Variants in MCUR1 observed in about 807,000 individuals in gnomAD.
MCUR1 encodes mitochondrial calcium uniporter regulator 1.
MCUR1 carries 37 observed loss-of-function variants against 42.0 expected under a neutral mutation model. That is an observed-to-expected ratio of 0.88 (90% CI 0.68 to 1.16). The LOEUF (loss-of-function observed/expected upper bound fraction) is 1.16, where lower values mean the gene tolerates loss of function less well. Among genes scored for constraint, MCUR1 ranks in the 50% most tolerant of loss-of-function variants. The pLI, the probability that MCUR1 is intolerant of heterozygous loss-of-function variation, is 0.00. For missense variants in MCUR1, 469 were observed against 468.4 expected, an observed-to-expected ratio of 1.00 and a Z score of -0.01; for synonymous variants, 229 against 196.2, an observed-to-expected ratio of 1.17 and a Z score of -1.40.
At chr6:13,806,504 A>G (rs1200600583) in intron 2 of MCUR1, among the ~76,000 whole-genome samples, 1 of 152,270 alleles carries the variant, frequency 6.6e-6, no homozygotes, top group Non-Finnish European at 1.5e-5. Flanking sequence ...CTTCACTTGG[A>G]CAAAGAGACA....
chr6:13,792,050 T>A, intron 7 of MCUR1, 58 bp from the exon 8 acceptor site: 1 of 1,273,112 alleles, frequency 7.9e-7, no homozygotes, highest in Non-Finnish European at 1.1e-6. Flanking sequence ...CTGCTCACCA[T>A]CCTATAGCTC....
chr6:13,807,650 T>A (rs1176453369), intron 1 of MCUR1, among the ~76,000 whole-genome samples: 2 of 152,104 alleles, frequency 1.3e-5, no homozygotes, highest in African/African-American at 2.4e-5. Flanking sequence ...TACTTAGGAG[T>A]AGAATTGCTG....
intron 6 of MCUR1, among the ~76,000 whole-genome samples, chr6:13,796,428 C>T (rs777898742): frequency 2.0e-5 from 3 of 151,792 alleles, no homozygotes; most frequent in Non-Finnish European, 4.4e-5. Context: ...GCTGAGACTA[C>T]AGGTGGGCCA....
At chr6:13,807,472 G>C (rs1760136112) in intron 1 of MCUR1, among the ~76,000 whole-genome samples, 1 of 152,184 alleles carries the variant, frequency 6.6e-6, no homozygotes, top group Non-Finnish European at 1.5e-5. Context: ...GGTCATCCGT[G>C]TTGTAGCACG....
Position 13,814,279 on chromosome 6 carries a change from C to T in MCUR1, c.151G>A (p.Ala51Thr). The T allele has an allele frequency of 3.4e-6, 5 of 1,491,660 alleles. No individual in the cohort carries two copies. The highest frequency in any genetic ancestry group is 2.5e-5 in the South Asian group (2 of 80,002). The allele number at this position is 1,491,660 out of a possible 1,614,324, so 92.4% of individuals were successfully genotyped here. A position where few individuals can be genotyped will look rare whatever the true frequency, so the allele number is the denominator to read the frequency against. The change falls in exon 1 of 9, where the codon GCG becomes ACG. Residue 51 changes from alanine (A) to threonine (T), a missense_variant. Physicochemically the swap from Ala to Thr is moderately conservative, Grantham distance 58. Transcript: ENST00000379170. ...CLSALSDGLG[A>T]LRPRAPAARG... is the part of the protein sequence containing the mutation. ...GCCGCCGGGGCGCGAGGGCGCAGCG[C>T]CCCCAGACCGTCGGAGAGCGCAGAG...
chr6:13,791,341 A>G (rs1235256836), intron 8 of MCUR1, among the ~76,000 whole-genome samples: 1 of 152,238 alleles, frequency 6.6e-6, no homozygotes, highest in African/African-American at 2.4e-5. Context: ...ACACAATTTA[A>G]TATAAAGAAC....
At chr6:13,801,677 C>T (rs896514273) in intron 3 of MCUR1, among the ~76,000 whole-genome samples, 2 of 152,068 alleles carry the variant, frequency 1.3e-5, no homozygotes, top group Non-Finnish European at 2.9e-5. Context: ...TGGTGAAACC[C>T]CATCTCTACC....
intron 6 of MCUR1, among the ~76,000 whole-genome samples, chr6:13,796,506 G>A (rs914300433): frequency 2.0e-5 from 3 of 151,920 alleles, no homozygotes; most frequent in African/African-American, 4.8e-5. Flanking sequence ...GGCTGGCCTC[G>A]AACTCCTGAC....
chr6:13,805,983 C>T (rs1337708739), intron 2 of MCUR1, among the ~76,000 whole-genome samples: 2 of 152,066 alleles, frequency 1.3e-5, no homozygotes, highest in Admixed American at 6.6e-5. Context: ...GGGCTGGGCG[C>T]GGTGGCTCAC....
At position 13,808,544 on chromosome 6, in the gene MCUR1, C is replaced by A. The variant is rs144740990; in HGVS notation, c.416-1500G>T. Among the ~76,000 whole-genome samples the A allele has an allele frequency of 2.5e-3, 376 of 152,136 alleles. 1 individual carries two copies. Among genetic ancestry groups the A allele is most frequent in the African/African-American group, 8.6e-3 (356 of 41,522 alleles). On this transcript the variant is annotated intron_variant, in intron 1 of 8. Coordinates refer to ENST00000379170, the MANE Select transcript of MCUR1 (RefSeq NM_001031713.4). ...TTTCTTTTGTTGCCTGTGCTTTTTTCTTTTGTTGCTTGTGCTTTTGATAAC... is the reference window on the plus strand; with the variant it reads ...TTTCTTTTGTTGCCTGTGCTTTTTTATTTTGTTGCTTGTGCTTTTGATAAC...
chr6:13,813,009 A>C (rs574161667), intron 1 of MCUR1, among the ~76,000 whole-genome samples: 2 of 152,354 alleles, frequency 1.3e-5, no homozygotes, highest in African/African-American at 2.4e-5. Flanking sequence ...TGAGACTATA[A>C]TACATATTTT....
intron 1 of MCUR1, among the ~76,000 whole-genome samples, chr6:13,808,461 C>T (rs988613703): frequency 1.3e-5 from 2 of 152,072 alleles, no homozygotes; most frequent in Non-Finnish European, 2.9e-5. Flanking sequence ...TTTCACTTTT[C>T]GATACTGTCT....
chr6:13,802,950 C>T (rs1234647044), intron 2 of MCUR1, among the ~76,000 whole-genome samples: 1 of 152,090 alleles, frequency 6.6e-6, no homozygotes, highest in South Asian at 2.1e-4. Context: ...TTCATTTTTC[C>T]TCCACAATTC....
At chr6:13,803,931 G>T (rs1006938767) in intron 2 of MCUR1, 6 of 954,068 alleles carry the variant, frequency 6.3e-6, no homozygotes, top group East Asian at 2.3e-4. Flanking sequence ...CAGGAGTTCA[G>T]AACCAGCATG....
chr6:13,806,482 T>A (rs1458522061), intron 2 of MCUR1, among the ~76,000 whole-genome samples: 1 of 152,236 alleles, frequency 6.6e-6, no homozygotes, highest in African/African-American at 2.4e-5. Flanking sequence ...ATGGTGATGT[T>A]ACAGAAATAC....
At chr6:13,810,585 C>T (rs965382963) in intron 1 of MCUR1, among the ~76,000 whole-genome samples, 3 of 152,096 alleles carry the variant, frequency 2.0e-5, no homozygotes, top group African/African-American at 7.2e-5. Flanking sequence ...ACTCTCAGTC[C>T]TTCACCCCGA....
intron 1 of MCUR1, among the ~76,000 whole-genome samples, chr6:13,811,733 C>A (rs1760239727): frequency 6.6e-6 from 1 of 152,108 alleles, no homozygotes; most frequent in Non-Finnish European, 1.5e-5. Flanking sequence ...TTACTCTAGA[C>A]CTAAATTCCT....
At position 13,786,993 on chromosome 6, in the gene MCUR1, A is replaced by C. The variant is rs1187188069; in HGVS notation, c.*3816T>G. 6.6e-6 allele frequency: 1 copy of C among 152,260 alleles called. No homozygotes were observed. The highest frequency in any genetic ancestry group is 2.4e-5 in the African/African-American group (1 of 41,464). 9.4% of individuals were successfully genotyped at this position (152,260 alleles called of 1,614,324 possible). The stretch of plus-strand genomic sequence containing the variant: ...TGCCAAAAAAGCCAGAACAAATTTG[A>C]TAAGCTCACATTAAAATCAAAGTTT... On this transcript the variant is annotated 3_prime_UTR_variant, in exon 9 of 9. Transcript: ENST00000379170.
chr6:13,805,674 T>G (rs1760098495), intron 2 of MCUR1, among the ~76,000 whole-genome samples: 1 of 152,102 alleles, frequency 6.6e-6, no homozygotes, highest in African/African-American at 2.4e-5. Context: ...CTACAGAGAG[T>G]AGCTTTTCTG....
Sources: gnomAD v4.1 joint callset for allele counts (sites outside exome capture counted in the v4.1 genomes callset) on GRCh38, gnomAD v4.1.1 for gene constraint, MANE v1.5 for transcripts, NCBI Gene and HGNC (gene_info 2026-07-23, HGNC 2026-07-21) for gene names.